ZKSCAN3: variants seen among roughly 807,000 people sequenced by gnomAD.
ZKSCAN3 encodes the protein zinc finger protein with KRAB and SCAN domains 3.
In ZKSCAN3, 21 loss-of-function variants were observed where a neutral mutation model predicts 30.7. The ratio of observed to expected loss-of-function variants is 0.68; its 90% CI spans 0.49 to 0.99. The LOEUF is 0.99. ZKSCAN3 is among the 50% of genes least tolerant of loss of function. The pLI is 0.00. For synonymous variants in ZKSCAN3, 201 were observed against 246.7 expected, an observed-to-expected ratio of 0.81 and a Z score of 1.73; for missense variants, 507 against 647.1, an observed-to-expected ratio of 0.78 and a Z score of 2.35.
chr6:28,360,780 G>C, intron 2 of ZKSCAN3: 1 of 984,448 alleles, frequency 1.0e-6, no homozygotes, highest in Non-Finnish European at 1.2e-6. Context: ...TCTTTATAAA[G>C]GATGTGGGAA....
intron 3 of ZKSCAN3, among the ~76,000 whole-genome samples, chr6:28,363,070 C>T (rs933851862): frequency 1.5e-4 from 23 of 152,284 alleles, no homozygotes; most frequent in South Asian, 1.2e-3. Context: ...TGGAAAGGAG[C>T]ACACTCTGTA....
Position 28,359,681 on chromosome 6 carries a change from C to T in ZKSCAN3, c.95C>T (p.Ala32Val), listed in dbSNP as rs748292155. 6.2e-7 allele frequency: 1 copy of T among 1,614,182 alleles called. No homozygotes were observed. The highest frequency in any genetic ancestry group is 1.1e-5 in the South Asian group (1 of 91,088). ...LLVIKVEEEE[A>V]GFPSSPDLGS... Reference sequence around the variant, plus strand: ...GTCATAAAGGTGGAGGAAGAAGAAGCCGGTTTTCCCAGTAGCCCAGATCTG... The same window carrying T: ...GTCATAAAGGTGGAGGAAGAAGAAGTCGGTTTTCCCAGTAGCCCAGATCTG... Residue 32 changes from alanine (A) to valine (V), a missense_variant, in exon 2 of 6, where the codon GCC becomes GTC. Transcript: ENST00000252211.
Position 28,365,484 on chromosome 6 carries a change from G to A in ZKSCAN3, c.816G>A (p.Lys272=). 1 of 1,614,176 alleles carries A rather than the reference G, an allele frequency of 6.2e-7. No individual in the cohort carries two copies. The highest frequency in any genetic ancestry group is 8.5e-7 in the Non-Finnish European group (1 of 1,180,010). The change falls in exon 6 of 6, where the codon AAG becomes AAA. Residue 272 remains lysine (K), a synonymous_variant. Coordinates refer to ENST00000252211, the MANE Select transcript of ZKSCAN3 (RefSeq NM_024493.4). The part of the protein sequence containing the change: ...DLPPAEELPE[K]EHGKISCHLR... ...CTCCAGCTGAGGAGCTTCCAGAAAAGGAGCATGGGAAGATATCGTGCCACC... is the reference window on the plus strand; with the variant it reads ...CTCCAGCTGAGGAGCTTCCAGAAAAAGAGCATGGGAAGATATCGTGCCACC...
chr6:28,357,884 A>G (rs906192321), intron 1 of ZKSCAN3, among the ~76,000 whole-genome samples: 1 of 152,322 alleles, frequency 6.6e-6, no homozygotes. Flanking sequence ...TTTCAGCTGA[A>G]TTTTAATGTG....
chr6:28,357,917 CA>C (rs781055368), intron 1 of ZKSCAN3, among the ~76,000 whole-genome samples: 5 of 152,198 alleles, frequency 3.3e-5, no homozygotes, highest in Non-Finnish European at 5.9e-5. Context: ...GTTTTTTGGG[CA>C]AGCCTCACTT....
chr6:28,352,964 C>CTTTTTTTTTTTT (rs5875156), intron 1 of ZKSCAN3, among the ~76,000 whole-genome samples: 1 of 129,918 alleles, frequency 7.7e-6, no homozygotes, highest in Non-Finnish European at 1.6e-5. Flanking sequence ...TTTTCTTTTT[C>CTTTTTTTTTTTT]TTTTTTTTTT....
chr6:28,357,952 A>C (rs1765536033), intron 1 of ZKSCAN3, among the ~76,000 whole-genome samples: 1 of 152,220 alleles, frequency 6.6e-6, no homozygotes, highest in Admixed American at 6.5e-5. Context: ...GGGTCTCACT[A>C]GCAGGCAGCC....
rs1156855694 is a variant in ZKSCAN3 at position 28,359,023 on chromosome 6, G to T, written c.-62-502G>T. On this transcript the variant is annotated intron_variant, in intron 1 of 5. Coordinates refer to ENST00000252211, the MANE Select transcript of ZKSCAN3 (RefSeq NM_024493.4). ...CAGGCCAAAGCCAAGGTGTTGGTAG[G>T]GCTGGGCTATTATCTGGAGGCTCTG... Among the ~76,000 whole-genome samples, 3 of 152,122 alleles carry T rather than the reference G, an allele frequency of 2.0e-5. No individual in the cohort carries two copies. In the East Asian group the frequency reaches 5.8e-4, roughly 29 times the overall value.
rs769212506 is a variant in ZKSCAN3, at chr6:28,365,954, G to A, written c.1286G>A (p.Ser429Asn). The change falls in exon 6 of 6, where the codon AGT becomes AAT. Residue 429 changes from serine to asparagine, a missense_variant. By Grantham distance (46) the Ser-to-Asn change is conservative. Coordinates refer to ENST00000252211, the MANE Select transcript of ZKSCAN3 (RefSeq NM_024493.4). The stretch of plus-strand genomic sequence containing the variant: ...ACTGGGGAGAAGCCGTATCAGTGCA[G>A]TATGTGTGGCAAAGCCTTTAGGCGA... ...IHTGEKPYQC[S>N]MCGKAFRRSS... 5.0e-6 allele frequency: 8 copies of A among 1,613,962 alleles called. No individual in the cohort carries two copies. Among genetic ancestry groups the A allele is most frequent in the African/African-American group, 1.3e-5 (1 of 74,908 alleles).
In ZKSCAN3 at chr6:28,359,591, C is replaced by T; in HGVS notation, c.5C>T (p.Ala2Val). 1 of 1,613,546 alleles carries T rather than the reference C, an allele frequency of 6.2e-7. No individual in the cohort carries two copies. Among genetic ancestry groups the T allele is most frequent in the Non-Finnish European group, 8.5e-7 (1 of 1,179,544 alleles). M[A>V]RELSESTALD... The stretch of plus-strand genomic sequence containing the variant: ...TGAGTACTGCCTTGGCCTAGGATGG[C>T]TAGAGAATTAAGTGAAAGCACAGCC... Residue 2 changes from alanine (A) to valine (V), a missense_variant, in exon 2 of 6, where the codon GCT (alanine) becomes GTT (valine). Coordinates refer to ENST00000252211, the MANE Select transcript of ZKSCAN3 (RefSeq NM_024493.4).
intron 2 of ZKSCAN3, chr6:28,360,694 C>T: frequency 1.0e-6 from 1 of 985,364 alleles, no homozygotes; most frequent in Non-Finnish European, 1.2e-6. Context: ...GAGCTGGATA[C>T]CAGGGTTCTT....
intron 1 of ZKSCAN3, chr6:28,354,089 T>TA (rs1170768150): frequency 2.6e-6 from 1 of 389,882 alleles, no homozygotes; most frequent in Non-Finnish European, 5.1e-6. Flanking sequence ...CTCCCACACT[T>TA]ACAGCTGTAC....
At chr6:28,358,899 GAAAAAAAAAAAA>G (rs201554097) in intron 1 of ZKSCAN3, among the ~76,000 whole-genome samples, 2 of 106,076 alleles carry the variant, frequency 1.9e-5, no homozygotes, top group South Asian at 3.4e-4. Context: ...AAACAAATAA[GAAAAAAAAAAAA>G]AAAAAAAAAA....
Position 28,359,554 on chromosome 6 carries a change from T to A in ZKSCAN3, c.-33T>A. The A allele has an allele frequency of 6.3e-7, 1 of 1,593,952 alleles. No individual in the cohort carries two copies. Among genetic ancestry groups the A allele is most frequent in the Non-Finnish European group, 8.6e-7 (1 of 1,168,492 alleles). Reference sequence around the variant, plus strand: ...CTTCTGCAGAAATAGCGCTGGAAGCTAGAGTGAGGCCTGAGTACTGCCTTG... The same window carrying A: ...CTTCTGCAGAAATAGCGCTGGAAGCAAGAGTGAGGCCTGAGTACTGCCTTG... On this transcript the variant is annotated 5_prime_UTR_variant, in exon 2 of 6. Transcript: ENST00000252211.
chr6:28,355,866 C>A (rs1226269207), intron 1 of ZKSCAN3, among the ~76,000 whole-genome samples: 1 of 152,200 alleles, frequency 6.6e-6, no homozygotes, highest in African/African-American at 2.4e-5. Context: ...ACAGTGGCAC[C>A]ATCCCAGTTC....
intron 5 of ZKSCAN3, among the ~76,000 whole-genome samples, chr6:28,364,714 C>T (rs77558455): frequency 5.9e-5 from 9 of 152,096 alleles, no homozygotes; most frequent in African/African-American, 9.7e-5. Context: ...TCTCCACTTT[C>T]GCTGTTTCGT....
At chr6:28,356,922 T>C (rs981676434) in intron 1 of ZKSCAN3, among the ~76,000 whole-genome samples, 4 of 152,188 alleles carry the variant, frequency 2.6e-5, no homozygotes, top group African/African-American at 9.6e-5. Context: ...TCTTGCTCAC[T>C]ATGCCAAATG....
chr6:28,355,698 A>G (rs970310402), intron 1 of ZKSCAN3: 7 of 152,240 alleles, frequency 4.6e-5, no homozygotes, highest in Non-Finnish European at 7.3e-5. Flanking sequence ...AGAGGTTAAT[A>G]TAACATCATT....
chr6:28,358,560 G>A (rs1185122939), intron 1 of ZKSCAN3, among the ~76,000 whole-genome samples: 1 of 151,594 alleles, frequency 6.6e-6, no homozygotes, highest in African/African-American at 2.4e-5. Flanking sequence ...GTTTTCTATT[G>A]CTGTATAACA....
Sources: allele counts gnomAD v4.1 joint callset (sites outside exome capture counted in the v4.1 genomes callset), GRCh38; gene constraint gnomAD v4.1.1; transcripts MANE v1.5; gene names NCBI Gene and HGNC (gene_info 2026-07-23, HGNC 2026-07-21).